GRIN2B: variants seen among roughly 807,000 people sequenced by gnomAD.
The protein encoded by GRIN2B is glutamate ionotropic receptor NMDA type subunit 2B, also known as glutamate receptor ionotropic, NMDA 2B.
A neutral mutation model predicts 114.5 loss-of-function variants in GRIN2B; 5 were observed. The ratio of observed to expected loss-of-function variants is 0.04; its 90% CI spans 0.02 to 0.09. GRIN2B has a LOEUF of 0.09. Ranked by LOEUF, GRIN2B falls within the 10% of genes least tolerant of loss-of-function variation. The probability of loss-of-function intolerance (pLI) is 1.00; values close to 1 mark genes in which losing one functional copy is unlikely to be tolerated. For missense variants in GRIN2B, 1,108 were observed against 1,943.5 expected (o/e 0.57, Z 8.08); for synonymous variants, 787 against 745.1 (o/e 1.06, Z -0.92).
At chr12:13,877,374 C>T (rs919776472) in intron 2 of GRIN2B, among the ~76,000 whole-genome samples, 15 of 152,212 alleles carry the variant, frequency 9.9e-5, no homozygotes, top group African/African-American at 3.6e-4. Context: ...GGTGCAATCA[C>T]ACATTTCCTA....
intron 5 of GRIN2B, among the ~76,000 whole-genome samples, chr12:13,623,042 T>C (rs1183673963): frequency 1.3e-5 from 2 of 152,210 alleles, no homozygotes; most frequent in Non-Finnish European, 2.9e-5. Context: ...TACATCTACA[T>C]ATATACAAAG....
chr12:13,710,912 A>G (rs1565509314), intron 4 of GRIN2B, among the ~76,000 whole-genome samples: 1 of 152,054 alleles, frequency 6.6e-6, no homozygotes, highest in South Asian at 2.1e-4. Context: ...AAGAGCCCTC[A>G]TTGCCAAGTC....
intron 2 of GRIN2B, among the ~76,000 whole-genome samples, chr12:13,932,484 A>G (rs1867051791): frequency 6.6e-6 from 1 of 152,216 alleles, no homozygotes; most frequent in African/African-American, 2.4e-5. Flanking sequence ...AGCAATGCCT[A>G]CCACTTAATT....
At chr12:13,914,796 T>C (rs1227547614) in intron 2 of GRIN2B, among the ~76,000 whole-genome samples, 1 of 152,178 alleles carries the variant, frequency 6.6e-6, no homozygotes, top group East Asian at 1.9e-4. Context: ...GAGATCACTA[T>C]GTTGAGTGAA....
chr12:13,840,622 C>T (rs891673470), intron 3 of GRIN2B, among the ~76,000 whole-genome samples: 4 of 151,972 alleles, frequency 2.6e-5, no homozygotes, highest in Non-Finnish European at 5.9e-5. Context: ...AATAATATAG[C>T]CACTGTAATA....
In GRIN2B at chr12:13,866,184, A is replaced by G. The variant is rs560849226; in HGVS notation, c.25T>C (p.Ser9Pro). ...GCCAACACCAACCAGAACTTGGGAG[A>G]ACAGCACTCCGCTCTGGGCTTCATC... MKPRAECC[S>P]PKFWLVLAVL... The change falls in exon 3 of 14, where the codon TCT becomes CCT. Residue 9 changes from serine to proline, a missense_variant. Ser to Pro is a moderately conservative substitution (Grantham distance 74, BLOSUM62 -1). Coordinates refer to ENST00000609686, the MANE Select transcript of GRIN2B (RefSeq NM_000834.5). The G allele has an allele frequency of 1.2e-6, 2 of 1,611,010 alleles. No homozygotes were observed. The highest frequency in any genetic ancestry group is 2.7e-5 in the African/African-American group (2 of 75,024).
In GRIN2B at chr12:13,562,751, CCGTACCCACCTTAACCTCT is replaced by C; in HGVS notation, c.*13_*31del. On this transcript the variant is annotated 3_prime_UTR_variant, in exon 14 of 14. Transcript: ENST00000609686. Reference sequence around the variant, plus strand: ...TCACGCGACCCACAGCCTTACCCTCCCGTACCCACCTTAACCTCTCTGTTCCCTCACTCAGACATCAGAC... The same window carrying C: ...TCACGCGACCCACAGCCTTACCCTCCCTGTTCCCTCACTCAGACATCAGAC... 6.3e-7 allele frequency: 1 copy of C among 1,586,838 alleles called. No individual in the cohort carries two copies. Among genetic ancestry groups the C allele is most frequent in the South Asian group, 1.1e-5 (1 of 90,524 alleles).
chr12:13,658,558 C>T (rs1243916591), intron 5 of GRIN2B, among the ~76,000 whole-genome samples: 2 of 151,978 alleles, frequency 1.3e-5, no homozygotes, highest in Non-Finnish European at 2.9e-5. Flanking sequence ...GTCTTTTAAG[C>T]GGCCAATAAT....
intron 2 of GRIN2B, among the ~76,000 whole-genome samples, chr12:13,905,626 G>A (rs1013456730): frequency 2.0e-5 from 3 of 152,124 alleles, no homozygotes; most frequent in East Asian, 1.9e-4. Context: ...GGTGGTTCCC[G>A]GCAGTCTAGG....
intron 3 of GRIN2B, among the ~76,000 whole-genome samples, chr12:13,832,941 A>G (rs1320955435): frequency 6.6e-6 from 1 of 152,190 alleles, no homozygotes; most frequent in Non-Finnish European, 1.5e-5. Context: ...TCACATCAAC[A>G]CTATATATTT....
At chr12:13,859,685 C>CA (rs1865722471) in intron 3 of GRIN2B, among the ~76,000 whole-genome samples, 1 of 152,154 alleles carries the variant, frequency 6.6e-6, no homozygotes, top group Non-Finnish European at 1.5e-5. Flanking sequence ...ATTTCAGTCC[C>CA]ACTATTGTTG....
chr12:13,605,393 T>C (rs950207997), intron 10 of GRIN2B, among the ~76,000 whole-genome samples: 2 of 151,940 alleles, frequency 1.3e-5, no homozygotes, highest in African/African-American at 2.4e-5. Context: ...GATGCATAGA[T>C]AGAGGTATGG....
chr12:13,916,787 T>C (rs1369924441), intron 2 of GRIN2B, among the ~76,000 whole-genome samples: 2 of 145,808 alleles, frequency 1.4e-5, no homozygotes, highest in African/African-American at 5.0e-5. Context: ...TACGCCAGGA[T>C]GACAATGGGC....
At chr12:13,880,294 T>C (rs1389674991) in intron 2 of GRIN2B, among the ~76,000 whole-genome samples, 1 of 152,028 alleles carries the variant, frequency 6.6e-6, no homozygotes, top group African/African-American at 2.4e-5. Context: ...GCACAAAACA[T>C]ATTGGGGAAT....
chr12:13,628,881 C>T (rs1033143072), intron 5 of GRIN2B, among the ~76,000 whole-genome samples: 1 of 152,114 alleles, frequency 6.6e-6, no homozygotes, highest in African/African-American at 2.4e-5. Context: ...CCAGGAAATT[C>T]AAGACATAAG....
intron 4 of GRIN2B, among the ~76,000 whole-genome samples, chr12:13,746,362 G>A (rs886772479): frequency 4.6e-5 from 7 of 152,028 alleles, no homozygotes; most frequent in African/African-American, 7.2e-5. Context: ...ACCAACCCAC[G>A]TCCTTTCTGA....
intron 5 of GRIN2B, among the ~76,000 whole-genome samples, chr12:13,674,832 T>C (rs549920757): frequency 1.3e-5 from 2 of 152,270 alleles, no homozygotes; most frequent in Admixed American, 1.3e-4. Context: ...GTTTCTTTGC[T>C]ATAAGACACC....
chr12:13,914,052 T>G (rs1479380189), intron 2 of GRIN2B, among the ~76,000 whole-genome samples: 3 of 152,194 alleles, frequency 2.0e-5, no homozygotes, highest in African/African-American at 7.2e-5. Context: ...TCATTAAGCT[T>G]ACCATAGAAG....
chr12:13,781,134 CA>C, intron 3 of GRIN2B, among the ~76,000 whole-genome samples: 1 of 152,212 alleles, frequency 6.6e-6, no homozygotes, highest in Non-Finnish European at 1.5e-5. Context: ...GCATTTTAAT[CA>C]ATAACTTGGG....
Sources: allele counts gnomAD v4.1 joint callset (sites outside exome capture counted in the v4.1 genomes callset), GRCh38; gene constraint gnomAD v4.1.1; transcripts MANE v1.5; gene names NCBI Gene and HGNC (gene_info 2026-07-23, HGNC 2026-07-21).